Variants in MAPK1IP1L observed in about 807,000 individuals in gnomAD.
MAPK1IP1L encodes MAPK-interacting and spindle-stabilizing protein-like.
A neutral mutation model predicts 18.1 loss-of-function variants in MAPK1IP1L; 10 were observed. That is an observed-to-expected ratio of 0.55 (90% CI 0.34 to 0.94). The LOEUF (loss-of-function observed/expected upper bound fraction) is 0.94. MAPK1IP1L is among the 40% of genes least tolerant of loss of function. The pLI, the probability that MAPK1IP1L is intolerant of heterozygous loss-of-function variation, is 0.02. For synonymous variants in MAPK1IP1L, 115 were observed against 117.3 expected (o/e 0.98, Z 0.13); for missense variants, 260 against 318.2 (o/e 0.82, Z 1.39).
At chr14:55,058,756 C>T (rs1407036079) in intron 1 of MAPK1IP1L, among the ~76,000 whole-genome samples, 1 of 151,562 alleles carries the variant, frequency 6.6e-6, no homozygotes, top group Non-Finnish European at 1.5e-5. Context: ...CTCTTGAACC[C>T]AGGAGATGGA....
chr14:55,057,976 A>ATT (rs925456371), intron 1 of MAPK1IP1L, among the ~76,000 whole-genome samples: 1 of 152,120 alleles, frequency 6.6e-6, no homozygotes, highest in Admixed American at 6.5e-5. Flanking sequence ...TACATTTAAG[A>ATT]AAGATTAATA....
intron 1 of MAPK1IP1L, among the ~76,000 whole-genome samples, chr14:55,060,154 A>T (rs201655363): frequency 6.3e-4 from 40 of 63,944 alleles, no homozygotes; most frequent in East Asian, 2.4e-3. Flanking sequence ...TTTTGGAGAA[A>T]TTTTTTTTTT....
chr14:55,062,798 G>A lies in MAPK1IP1L; in HGVS notation c.199G>A (p.Ala67Thr), dbSNP rs768154484. ...ACCCTCCACTGTGCCTTTTGGACCA[G>A]CACCAACAGGAATGTATCCCTCCGT... ...ATPSTVPFGP[A>T]PTGMYPSVPP... Residue 67 changes from alanine to threonine, a missense_variant, in exon 3 of 4, where the codon GCA (alanine) becomes ACA (threonine). By Grantham distance (58) the Ala-to-Thr change is moderately conservative. Coordinates refer to ENST00000395468, the MANE Select transcript of MAPK1IP1L (RefSeq NM_144578.4). 7 of 1,614,146 alleles carry A rather than the reference G, an allele frequency of 4.3e-6. No homozygotes were observed. The South Asian group carries it at 7.7e-5, about 18-fold the overall frequency.
At chr14:55,063,403 G>A (rs2042836135) in intron 3 of MAPK1IP1L, 78 bp downstream of exon 3, 2 of 1,252,300 alleles carry the variant, frequency 1.6e-6, no homozygotes, top group Non-Finnish European at 2.2e-6. Flanking sequence ...AGTTTTGGAT[G>A]GAAGATTAAG....
Position 55,063,459 on chromosome 14 carries a change from T to G in MAPK1IP1L, c.726+134T>G, listed in dbSNP as rs2042836546. ...AGAGGGTGTGTGTATATTAAATAAGTAAATTTCAAACCTTCAGGTAAAGCA... is the reference window on the plus strand; with the variant it reads ...AGAGGGTGTGTGTATATTAAATAAGGAAATTTCAAACCTTCAGGTAAAGCA... On this transcript the variant is annotated intron_variant, in intron 3 of 3. Transcript: ENST00000395468. 3 of 732,166 alleles carry G rather than the reference T, an allele frequency of 4.1e-6. No individual in the cohort carries two copies. In the East Asian group the frequency reaches 8.4e-5, roughly 20 times the overall value. The allele number at this position is 732,166 out of a possible 1,614,324, so 45.4% of individuals were successfully genotyped here.
In MAPK1IP1L at chr14:55,069,908, A is replaced by G. The variant is rs2042892983; in HGVS notation, c.*5281A>G. The G allele has an allele frequency of 6.6e-6, 1 of 152,220 alleles. No individual in the cohort carries two copies. The allele number at this position is 152,220 out of a possible 1,614,324, so 9.4% of individuals were successfully genotyped here. A position where few individuals can be genotyped will look rare whatever the true frequency, so the allele number is the denominator to read the frequency against. On this transcript the variant is annotated 3_prime_UTR_variant, in exon 4 of 4. Coordinates refer to ENST00000395468, the MANE Select transcript of MAPK1IP1L (RefSeq NM_144578.4). The stretch of plus-strand genomic sequence containing the variant: ...AGTTCTACTTTTATCATTAACTGCT[A>G]CGCATTTAGTGAGGGTCACATTATT...
chr14:55,055,354 T>G (rs1488464052), intron 1 of MAPK1IP1L, among the ~76,000 whole-genome samples: 1 of 152,198 alleles, frequency 6.6e-6, no homozygotes, highest in African/African-American at 2.4e-5. Context: ...TTTTCACCTT[T>G]TCTAATGAAA....
chr14:55,061,622 A>G, intron 1 of MAPK1IP1L, 58 bp from the exon 2 acceptor site: 2 of 1,214,106 alleles, frequency 1.6e-6, no homozygotes, highest in African/African-American at 1.5e-5. Flanking sequence ...TATTTAAGAA[A>G]TGGTGAACAC....
intron 1 of MAPK1IP1L, among the ~76,000 whole-genome samples, chr14:55,060,958 T>C (rs1220876050): frequency 6.6e-6 from 1 of 152,130 alleles, no homozygotes; most frequent in African/African-American, 2.4e-5. Flanking sequence ...GGCAACATAG[T>C]GAGACACCTG....
chr14:55,058,700 C>T (rs949149589), intron 1 of MAPK1IP1L, among the ~76,000 whole-genome samples: 4 of 151,988 alleles, frequency 2.6e-5, no homozygotes, highest in Admixed American at 1.3e-4. Flanking sequence ...GGCATGGCGG[C>T]GCTTGCCTAT....
At chr14:55,059,650 G>T (rs941501859) in intron 1 of MAPK1IP1L, among the ~76,000 whole-genome samples, 11 of 152,222 alleles carry the variant, frequency 7.2e-5, no homozygotes, top group Admixed American at 5.9e-4. Context: ...AAGAGCCTAA[G>T]TTCTGGAGTC....
intron 1 of MAPK1IP1L, among the ~76,000 whole-genome samples, chr14:55,053,602 C>A (rs2042747180): frequency 6.6e-6 from 1 of 152,146 alleles, no homozygotes; most frequent in Non-Finnish European, 1.5e-5. Context: ...ATAATTCAAA[C>A]CCTCGTCTAA....
intron 1 of MAPK1IP1L, among the ~76,000 whole-genome samples, chr14:55,056,907 A>G (rs1408035891): frequency 6.6e-6 from 1 of 152,202 alleles, no homozygotes; most frequent in Admixed American, 6.5e-5. Context: ...TAATCAAATC[A>G]TAATTAGAAA....
rs957100096 is a variant in MAPK1IP1L at position 55,064,296 on chromosome 14, GA to G, written c.727-308del. Among the ~76,000 whole-genome samples, 208 of 141,036 alleles carry G rather than the reference GA, an allele frequency of 1.5e-3. 1 individual carries two copies. In the Middle Eastern group the frequency reaches 0.022, roughly 15 times the overall value. 92.5% of individuals were successfully genotyped at this position (141,036 alleles called of 152,430 possible). ...GGCCTGAGCCACCATGCCCAGCCAG[GA>G]AAAAAAAAAAATCTGTTAACTCTTA... is the stretch of plus-strand genomic sequence containing the variant. On this transcript the variant is annotated intron_variant, in intron 3 of 3. Transcript: ENST00000395468.
chr14:55,055,969 A>G (rs2042768273), intron 1 of MAPK1IP1L, among the ~76,000 whole-genome samples: 1 of 152,066 alleles, frequency 6.6e-6, no homozygotes, highest in Non-Finnish European at 1.5e-5. Context: ...TTATTTCTGG[A>G]ATTTTTCATT....
In MAPK1IP1L at chr14:55,062,865, C is replaced by T; in HGVS notation, c.266C>T (p.Pro89Leu). 2 of 1,614,206 alleles carry T rather than the reference C, an allele frequency of 1.2e-6. No individual in the cohort carries two copies. Among genetic ancestry groups the T allele is most frequent in the Admixed American group, 3.3e-5 (2 of 60,020 alleles). ...GPPPGPPAPF[P>L]PSGPSCPPPG... is the part of the protein sequence containing the mutation. Reference sequence around the variant, plus strand: ...CCTCCAGGACCCCCAGCACCCTTTCCTCCTTCCGGACCATCATGTCCCCCA... The same window carrying T: ...CCTCCAGGACCCCCAGCACCCTTTCTTCCTTCCGGACCATCATGTCCCCCA... The change falls in exon 3 of 4, where the codon CCT becomes CTT. Residue 89 changes from proline (P) to leucine (L), a missense_variant. Physicochemically the swap from Pro to Leu is moderately conservative, Grantham distance 98 (BLOSUM62 -3). Coordinates refer to ENST00000395468, the MANE Select transcript of MAPK1IP1L (RefSeq NM_144578.4).
rs2042861322 is a variant in MAPK1IP1L, at chr14:55,066,273, C to G, written c.*1646C>G. 1 of 152,096 alleles carries G rather than the reference C, an allele frequency of 6.6e-6. No homozygotes were observed. Among genetic ancestry groups the G allele is most frequent in the African/African-American group, 2.4e-5 (1 of 41,408 alleles). The allele number at this position is 152,096 out of a possible 1,614,324, so 9.4% of individuals were successfully genotyped here. A position where few individuals can be genotyped will look rare whatever the true frequency, so the allele number is the denominator to read the frequency against. ...CCTTCTAAGAAAGCAAAATGGTTAC[C>G]TTTGAGAGGAACATTCAGTGTTTAA... On this transcript the variant is annotated 3_prime_UTR_variant, in exon 4 of 4. Transcript: ENST00000395468.
intron 1 of MAPK1IP1L, among the ~76,000 whole-genome samples, chr14:55,056,025 A>C (rs138179789): frequency 3.1e-4 from 47 of 152,244 alleles, no homozygotes; most frequent in African/African-American, 1.1e-3. Context: ...ATAAGGGGGG[A>C]TCACCCTAAC....
chr14:55,057,487 A>C (rs926640031), intron 1 of MAPK1IP1L, among the ~76,000 whole-genome samples: 2 of 152,210 alleles, frequency 1.3e-5, no homozygotes, highest in African/African-American at 4.8e-5. Context: ...AGCTGGGCGC[A>C]GTGGCTCACG....
Sources: gnomAD v4.1 joint callset for allele counts (sites outside exome capture counted in the v4.1 genomes callset) on GRCh38, gnomAD v4.1.1 for gene constraint, MANE v1.5 for transcripts, NCBI Gene and HGNC (gene_info 2026-07-23, HGNC 2026-07-21) for gene names.